The following GAP43 variants were observed in gnomAD, a reference collection of about 807,000 sequenced individuals.
The protein encoded by GAP43 is growth associated protein 43.
In GAP43, 6 loss-of-function variants were observed where a neutral mutation model predicts 18.6. The ratio of observed to expected loss-of-function variants is 0.32; its 90% CI spans 0.18 to 0.64. GAP43 has a LOEUF of 0.64. GAP43 is among the 30% of genes least tolerant of loss of function. The pLI, the probability that GAP43 is intolerant of heterozygous loss-of-function variation, is 0.78. For missense variants in GAP43, 292 were observed against 295.5 expected (o/e 0.99, Z 0.09); for synonymous variants, 115 against 111.4 (o/e 1.03, Z -0.20).
intron 1 of GAP43, chr3:115,661,372 G>C (rs1023526760): frequency 1.3e-5 from 2 of 152,258 alleles, no homozygotes; most frequent in African/African-American, 2.4e-5. Flanking sequence ...AGATATAACT[G>C]GGCAGAGGTT....
chr3:115,720,694 G>A, intron 2 of GAP43, 100 bp from the exon 3 acceptor site: 1 of 689,016 alleles, frequency 1.5e-6, no homozygotes, highest in Admixed American at 2.5e-5. Flanking sequence ...CTTATGAAAT[G>A]ACATAAAAAG....
chr3:115,683,124 T>TGCGCGTGCGCGC (rs1185517951), intron 2 of GAP43, among the ~76,000 whole-genome samples: 1 of 113,796 alleles, frequency 8.8e-6, no homozygotes, highest in African/African-American at 3.1e-5. Context: ...TACATACATG[T>TGCGCGTGCGCGC]GCGCGCGCGT....
intron 2 of GAP43, among the ~76,000 whole-genome samples, chr3:115,710,765 T>C (rs1709426884): frequency 6.6e-6 from 1 of 152,222 alleles, no homozygotes; most frequent in African/African-American, 2.4e-5. Context: ...AATAAAATTC[T>C]GTTAAAAATG....
intron 1 of GAP43, among the ~76,000 whole-genome samples, chr3:115,657,254 T>C (rs1222220211): frequency 6.6e-6 from 1 of 151,972 alleles, no homozygotes; most frequent in Non-Finnish European, 1.5e-5. Context: ...AAAGTGGAAG[T>C]GTAGGAGAGG....
chr3:115,632,168 C>T (rs1207886397), intron 1 of GAP43, among the ~76,000 whole-genome samples: 2 of 152,006 alleles, frequency 1.3e-5, no homozygotes, highest in Non-Finnish European at 2.9e-5. Context: ...ATACCCACCC[C>T]CACTTCACCT....
rs71141831 is a variant in GAP43, at chr3:115,652,356, C to CTTTTTTTTTTTTTTTTTTTTTTTT, written c.31-23651_31-23628dup. On this transcript the variant is annotated intron_variant, in intron 1 of 2. Transcript: ENST00000305124. Reference sequence around the variant, plus strand: ...TTCCTGATGATTCTTATCCAGCATTCTTTTTTTTTTTTTTTTTTTTTTTTT... The same window carrying CTTTTTTTTTTTTTTTTTTTTTTTT: ...TTCCTGATGATTCTTATCCAGCATTCTTTTTTTTTTTTTTTTTTTTTTTTTTTTTTTTTTTTTTTTTTTTTTTTT... 3.9e-4 allele frequency among the ~76,000 whole-genome samples: 17 copies of CTTTTTTTTTTTTTTTTTTTTTTTT among 43,808 alleles called. 5 individuals carry two copies. Among genetic ancestry groups the CTTTTTTTTTTTTTTTTTTTTTTTT allele is most frequent in the Non-Finnish European group, 5.7e-4 (14 of 24,660 alleles). 28.7% of individuals were successfully genotyped at this position (43,808 alleles called of 152,430 possible). A position where few individuals can be genotyped will look rare whatever the true frequency, so the allele number is the denominator to read the frequency against.
intron 2 of GAP43, among the ~76,000 whole-genome samples, chr3:115,680,707 A>G (rs1708949914): frequency 6.6e-6 from 1 of 152,230 alleles, no homozygotes; most frequent in Non-Finnish European, 1.5e-5. Flanking sequence ...AACGTTGCAT[A>G]TAATGTATGT....
At chr3:115,667,478 T>C (rs1164102647) in intron 1 of GAP43, among the ~76,000 whole-genome samples, 5 of 152,232 alleles carry the variant, frequency 3.3e-5, no homozygotes, top group Non-Finnish European at 5.9e-5. Flanking sequence ...TTATTTGTTA[T>C]AGTAGGAAGA....
intron 2 of GAP43, among the ~76,000 whole-genome samples, chr3:115,694,174 C>T (rs557934712): frequency 5.3e-5 from 8 of 152,110 alleles, no homozygotes; most frequent in Non-Finnish European, 1.0e-4. Flanking sequence ...GAGTGGCTGC[C>T]GCTGCTGTTA....
intron 2 of GAP43, among the ~76,000 whole-genome samples, chr3:115,680,031 C>G (rs1708941467): frequency 6.6e-6 from 1 of 152,146 alleles, no homozygotes; most frequent in Admixed American, 6.5e-5. Flanking sequence ...TTCTCTTCCT[C>G]CTCTTTTTTA....
chr3:115,635,172 TA>T (rs1275078003), intron 1 of GAP43, among the ~76,000 whole-genome samples: 2 of 152,098 alleles, frequency 1.3e-5, no homozygotes, highest in African/African-American at 4.8e-5. Context: ...TTTATCCTAA[TA>T]AAAGAGAAGG....
At chr3:115,709,099 C>T (rs1389409711) in intron 2 of GAP43, among the ~76,000 whole-genome samples, 4 of 151,986 alleles carry the variant, frequency 2.6e-5, no homozygotes, top group Admixed American at 2.0e-4. Context: ...TCATTCAGAA[C>T]CCCAGATTTA....
At chr3:115,670,816 A>G (rs1280887878) in intron 1 of GAP43, among the ~76,000 whole-genome samples, 1 of 152,180 alleles carries the variant, frequency 6.6e-6, no homozygotes, top group East Asian at 1.9e-4. Flanking sequence ...CAACATATTT[A>G]AAAAAACATT....
chr3:115,679,874 T>A (rs1008146080), intron 2 of GAP43, among the ~76,000 whole-genome samples: 1 of 152,180 alleles, frequency 6.6e-6, no homozygotes, highest in African/African-American at 2.4e-5. Context: ...TGACTTTAAA[T>A]GTTCTGTATG....
chr3:115,716,679 CAAT>C (rs1311764653), intron 2 of GAP43, among the ~76,000 whole-genome samples: 1 of 123,902 alleles, frequency 8.1e-6, no homozygotes, highest in African/African-American at 3.0e-5. Context: ...GCTTAATATT[CAAT>C]AATATCAAGT....
intron 1 of GAP43, among the ~76,000 whole-genome samples, chr3:115,642,335 T>C (rs917634845): frequency 1.3e-5 from 2 of 151,988 alleles, no homozygotes; most frequent in Admixed American, 1.3e-4. Context: ...TACAATCCTT[T>C]ATTCATTCAA....
chr3:115,697,128 C>G (rs1041878268), intron 2 of GAP43, among the ~76,000 whole-genome samples: 4 of 152,096 alleles, frequency 2.6e-5, no homozygotes, highest in Admixed American at 6.6e-5. Context: ...CATGAGCCAC[C>G]ACACCCAGCC....
chr3:115,675,630 A>T (rs1649617271), intron 1 of GAP43, among the ~76,000 whole-genome samples: 1 of 151,942 alleles, frequency 6.6e-6, no homozygotes, highest in Admixed American at 6.6e-5. Context: ...GTAGTGGCAC[A>T]TGCCTGTAAT....
chr3:115,662,555 C>A (rs1708676599), intron 1 of GAP43, among the ~76,000 whole-genome samples: 1 of 152,110 alleles, frequency 6.6e-6, no homozygotes, highest in Non-Finnish European at 1.5e-5. Context: ...TATTCCTAGT[C>A]TTGGGTATAA....
Sources: gnomAD v4.1 joint callset for allele counts (sites outside exome capture counted in the v4.1 genomes callset) on GRCh38, gnomAD v4.1.1 for gene constraint, MANE v1.5 for transcripts, NCBI Gene and HGNC (gene_info 2026-07-23, HGNC 2026-07-21) for gene names.